Variants in PLEKHA5 observed in about 807,000 individuals in gnomAD.
PLEKHA5 encodes pleckstrin homology domain containing A5.
Under a neutral mutation model 181.9 loss-of-function variants are expected in PLEKHA5, and 55 were observed. The observed-to-expected ratio is 0.30, with a 90% CI of 0.24 to 0.38. PLEKHA5 has a LOEUF of 0.38. PLEKHA5 is among the 10% of genes least tolerant of loss of function. The pLI is 1.00. For synonymous variants in PLEKHA5, 535 were observed against 529.4 expected, an observed-to-expected ratio of 1.01 and a Z score of -0.15; for missense variants, 1,432 against 1,549.5, an observed-to-expected ratio of 0.92 and a Z score of 1.27.
chr12:19,322,699 G>A, intron 20 of PLEKHA5, 32 bp downstream of exon 20: 1 of 1,545,238 alleles, frequency 6.5e-7, no homozygotes. Flanking sequence ...CCTAATAAAA[G>A]TAGCTTAAAT....
intron 11 of PLEKHA5, among the ~76,000 whole-genome samples, chr12:19,279,634 T>G (rs1401153379): frequency 6.6e-6 from 1 of 150,820 alleles, no homozygotes; most frequent in Non-Finnish European, 1.5e-5. Context: ...CACTCCAGCC[T>G]GGACGACAGA....
At chr12:19,329,521 G>T (rs534942473) in intron 20 of PLEKHA5, among the ~76,000 whole-genome samples, 16 of 152,120 alleles carry the variant, frequency 1.1e-4, no homozygotes, top group African/African-American at 3.6e-4. Context: ...ACTCAATATT[G>T]GTCTGTTAAG....
chr12:19,336,539 T>C lies in PLEKHA5; in HGVS notation c.2473T>C (p.Tyr825His). 1 of 1,604,988 alleles carries C rather than the reference T, an allele frequency of 6.2e-7. No homozygotes were observed. Among genetic ancestry groups the C allele is most frequent in the South Asian group, 1.1e-5 (1 of 90,344 alleles). The change falls in exon 21 of 32, where the codon TAT (tyrosine) becomes CAT (histidine). Residue 825 changes from tyrosine (Y) to histidine (H), a missense_variant. Around this residue, in one of 2 missense-constraint regions of PLEKHA5, gnomAD observed 1,143 missense variants for 1,168.4 expected, o/e 0.98. Coordinates refer to ENST00000429027, the MANE Select transcript of PLEKHA5 (RefSeq NM_001256470.2). ...TAELERAWRE[Y>H]DKLEYDVTVT... ...GGAATTGGAACGAGCATGGAGAGAA[T>C]ATGATAAGTTAGAATACGATGTAAC...
In PLEKHA5 at chr12:19,376,085, A is replaced by G. The variant is rs546234342; in HGVS notation, c.*566A>G. On this transcript the variant is annotated 3_prime_UTR_variant, in exon 32 of 32. Transcript: ENST00000429027. Reference sequence around the variant, plus strand: ...ATAATTCTTTCTCGGTCAGATTGCAATGTCAGCAGTTACTGCCACACTCCT... The same window carrying G: ...ATAATTCTTTCTCGGTCAGATTGCAGTGTCAGCAGTTACTGCCACACTCCT... 6.6e-6 allele frequency: 1 copy of G among 152,184 alleles called. No homozygotes were observed. Among genetic ancestry groups the G allele is most frequent in the Non-Finnish European group, 1.5e-5 (1 of 67,994 alleles). 9.4% of individuals were successfully genotyped at this position (152,184 alleles called of 1,614,324 possible).
chr12:19,250,795 G>A (rs10505840), intron 3 of PLEKHA5, among the ~76,000 whole-genome samples: 1 of 151,960 alleles, frequency 6.6e-6, no homozygotes, highest in African/African-American at 2.4e-5. Flanking sequence ...TGATATGTTA[G>A]TTTGTAATTT....
At chr12:19,312,997 T>C (rs2087115676) in intron 15 of PLEKHA5, among the ~76,000 whole-genome samples, 1 of 152,142 alleles carries the variant, frequency 6.6e-6, no homozygotes, top group Non-Finnish European at 1.5e-5. Flanking sequence ...TCAATATTGT[T>C]GTGTCTCGAG....
intron 3 of PLEKHA5, among the ~76,000 whole-genome samples, chr12:19,171,587 G>A (rs144596698): frequency 1.3e-5 from 2 of 152,040 alleles, no homozygotes; most frequent in African/African-American, 2.4e-5. Context: ...TTGAACTACT[G>A]ACCTCAAATA....
chr12:19,170,195 G>A (rs73056340), intron 3 of PLEKHA5, among the ~76,000 whole-genome samples: 606 of 152,216 alleles, frequency 4.0e-3, no homozygotes, highest in Non-Finnish European at 6.4e-3. Flanking sequence ...ATTTTCATTC[G>A]TTGATAAAAT....
intron 3 of PLEKHA5, among the ~76,000 whole-genome samples, chr12:19,240,981 G>A (rs1260213862): frequency 1.3e-5 from 2 of 152,046 alleles, no homozygotes; most frequent in African/African-American, 2.4e-5. Flanking sequence ...GGCTTTATAA[G>A]TGCTTTTTCC....
chr12:19,203,994 C>G (rs981920981), intron 3 of PLEKHA5, among the ~76,000 whole-genome samples: 1 of 152,014 alleles, frequency 6.6e-6, no homozygotes, highest in Admixed American at 6.6e-5. Context: ...AAAACATATG[C>G]GTATTGACAC....
chr12:19,334,868 A>ATATATATATATATC (rs1279488392), intron 20 of PLEKHA5, among the ~76,000 whole-genome samples: 1 of 52,496 alleles, frequency 1.9e-5, no homozygotes, highest in African/African-American at 5.4e-5. Flanking sequence ...ATATATATAT[A>ATATATATATATATC]TCTCTGTATA....
intron 3 of PLEKHA5, among the ~76,000 whole-genome samples, chr12:19,206,720 G>A (rs779500893): frequency 3.3e-5 from 5 of 152,022 alleles, no homozygotes; most frequent in Non-Finnish European, 7.4e-5. Context: ...TATGAAGGAG[G>A]TGGGTGTATA....
intron 3 of PLEKHA5, among the ~76,000 whole-genome samples, chr12:19,212,936 C>G (rs2057250302): frequency 1.3e-5 from 2 of 149,756 alleles, no homozygotes; most frequent in Admixed American, 6.7e-5. Context: ...AATCTCTAAA[C>G]TGAAGAATTG....
intron 22 of PLEKHA5, among the ~76,000 whole-genome samples, chr12:19,344,640 C>A (rs191864538): frequency 2.6e-5 from 4 of 152,158 alleles, no homozygotes; most frequent in Admixed American, 2.6e-4. Flanking sequence ...ATTTGGATAA[C>A]TGCGGCCAAA....
chr12:19,301,006 CT>C (rs1832990982), intron 15 of PLEKHA5, among the ~76,000 whole-genome samples: 1 of 150,138 alleles, frequency 6.7e-6, no homozygotes, highest in Admixed American at 6.7e-5. Flanking sequence ...CAAAATTAGC[CT>C]GGTGTGGTGG....
At chr12:19,375,336 G>C (rs1260474223) in intron 31 of PLEKHA5, among the ~76,000 whole-genome samples, 195 bp from the exon 32 acceptor site, 1 of 151,832 alleles carries the variant, frequency 6.6e-6, no homozygotes, top group African/African-American at 2.4e-5. Context: ...AAAAAAAATT[G>C]CATTATGTTT....
chr12:19,187,808 C>G (rs1276339849), intron 3 of PLEKHA5, among the ~76,000 whole-genome samples: 1 of 152,120 alleles, frequency 6.6e-6, no homozygotes, highest in Non-Finnish European at 1.5e-5. Flanking sequence ...AGGTAACATA[C>G]AAGAACATAT....
chr12:19,182,781 G>A (rs2048909881), intron 3 of PLEKHA5, among the ~76,000 whole-genome samples: 1 of 152,180 alleles, frequency 6.6e-6, no homozygotes, highest in African/African-American at 2.4e-5. Context: ...TAGAAATACA[G>A]CATATTTAAC....
intron 22 of PLEKHA5, among the ~76,000 whole-genome samples, chr12:19,344,845 A>G (rs374443875): frequency 4.6e-5 from 7 of 151,954 alleles, no homozygotes; most frequent in African/African-American, 1.7e-4. Context: ...GTGGTTGCTC[A>G]CGCCTGTAAT....
Sources: allele counts gnomAD v4.1 joint callset (sites outside exome capture counted in the v4.1 genomes callset), GRCh38; gene constraint gnomAD v4.1.1; regional missense constraint gnomAD v4.1.1; transcripts MANE v1.5; gene names NCBI Gene and HGNC (gene_info 2026-07-23, HGNC 2026-07-21).